The following SMYD3 variants were observed in gnomAD, a reference collection of about 807,000 sequenced individuals.
SMYD3 encodes histone-lysine N-methyltransferase SMYD3.
SMYD3 carries 36 observed loss-of-function variants against 57.7 expected under a neutral mutation model. The ratio of observed to expected loss-of-function variants is 0.62; its 90% CI spans 0.48 to 0.82. SMYD3 has a LOEUF of 0.82. Ranked by LOEUF, SMYD3 falls within the 40% of genes least tolerant of loss-of-function variation. The pLI is 0.00. For synonymous variants in SMYD3, 211 were observed against 195.0 expected, an observed-to-expected ratio of 1.08 and a Z score of -0.68; for missense variants, 515 against 538.8, an observed-to-expected ratio of 0.96 and a Z score of 0.44.
At chr1:246,348,077 T>TATATATATATATATATATATATGTATAC in intron 2 of SMYD3, among the ~76,000 whole-genome samples, 2 of 86,488 alleles carry the variant, frequency 2.3e-5, no homozygotes, top group African/African-American at 8.0e-5. Flanking sequence ...TATATATATA[T>TATATATATATATATATATATATGTATAC]ACACACACAC....
At position 246,367,761 on chromosome 1, in the gene SMYD3, A is replaced by T. The variant is rs142573922; in HGVS notation, c.165-12667T>A. ...AATAATCTTAAAAAAATAAGTGAGG[A>T]ATGTATCAGTCAGAGAAAAGTGATT... On this transcript the variant is annotated intron_variant, in intron 1 of 11. Transcript: ENST00000490107. Among the ~76,000 whole-genome samples the T allele has an allele frequency of 3.3e-5, 5 of 152,262 alleles. No homozygotes were observed. In the East Asian group the frequency reaches 7.7e-4, roughly 24 times the overall value.
intron 3 of SMYD3, among the ~76,000 whole-genome samples, chr1:246,334,062 A>T (rs983841842): frequency 4.9e-5 from 4 of 82,406 alleles, no homozygotes; most frequent in East Asian, 1.6e-3. Context: ...ATTATTAAAT[A>T]AAAAAAAAAC....
chr1:246,457,401 C>T (rs891957293), intron 1 of SMYD3, among the ~76,000 whole-genome samples: 3 of 151,748 alleles, frequency 2.0e-5, no homozygotes, highest in South Asian at 2.1e-4. Flanking sequence ...GCCATGATGG[C>T]AGGCACCTGT....
intron 5 of SMYD3, among the ~76,000 whole-genome samples, chr1:246,200,092 A>G (rs991322676): frequency 1.9e-4 from 29 of 152,258 alleles, no homozygotes; most frequent in Non-Finnish European, 4.0e-4. Context: ...AACAGCATAG[A>G]CGCTGAGGTA....
intron 1 of SMYD3, among the ~76,000 whole-genome samples, chr1:246,452,711 T>C (rs1292533506): frequency 6.6e-6 from 1 of 152,198 alleles, no homozygotes; most frequent in Non-Finnish European, 1.5e-5. Flanking sequence ...TATGACCATC[T>C]AAGTAGATGC....
At chr1:245,869,831 C>G (rs2052080451) in intron 8 of SMYD3, among the ~76,000 whole-genome samples, 1 of 152,212 alleles carries the variant, frequency 6.6e-6, no homozygotes. Flanking sequence ...CCTCGGCTCA[C>G]CACTCCATTT....
At chr1:245,764,829 C>T (rs536544024) in intron 10 of SMYD3, among the ~76,000 whole-genome samples, 12 of 152,122 alleles carry the variant, frequency 7.9e-5, no homozygotes, top group African/African-American at 2.4e-4. Flanking sequence ...ACGGTGTTGT[C>T]GTGGACCAAA....
chr1:245,794,163 A>C (rs190159231), intron 10 of SMYD3, among the ~76,000 whole-genome samples: 1 of 152,352 alleles, frequency 6.6e-6, no homozygotes, highest in African/African-American at 2.4e-5. Context: ...ATTCATTAGT[A>C]AATTCTATTT....
At chr1:246,372,219 A>C (rs1041090681) in intron 1 of SMYD3, among the ~76,000 whole-genome samples, 13 of 152,212 alleles carry the variant, frequency 8.5e-5, no homozygotes, top group African/African-American at 3.1e-4. Context: ...ACGACAGTTA[A>C]CGGGGGTTGG....
intron 5 of SMYD3, among the ~76,000 whole-genome samples, chr1:246,262,742 T>C (rs901437109): frequency 6.6e-5 from 10 of 152,198 alleles, no homozygotes; most frequent in African/African-American, 2.2e-4. Flanking sequence ...TTAATTTACT[T>C]GTCTCTATAA....
At chr1:245,837,039 G>A (rs1335461162) in intron 10 of SMYD3, among the ~76,000 whole-genome samples, 1 of 152,094 alleles carries the variant, frequency 6.6e-6, no homozygotes, top group Non-Finnish European at 1.5e-5. Context: ...CATCGTCACT[G>A]ACCAATCAGA....
intron 8 of SMYD3, among the ~76,000 whole-genome samples, chr1:245,912,252 T>C (rs1305488055): frequency 6.6e-6 from 1 of 152,084 alleles, no homozygotes; most frequent in Non-Finnish European, 1.5e-5. Context: ...TAATCCCATT[T>C]ACACTAGCTA....
intron 10 of SMYD3, among the ~76,000 whole-genome samples, chr1:245,789,292 G>A (rs1417744703): frequency 6.6e-6 from 1 of 152,172 alleles, no homozygotes; most frequent in East Asian, 1.9e-4. Flanking sequence ...CGTATAAATG[G>A]AAAGTTGTTG....
rs112482666 is a variant in SMYD3, at chr1:245,870,848, T to C, written c.814-6962A>G. Among the ~76,000 whole-genome samples, 557 of 152,186 alleles carry C rather than the reference T, an allele frequency of 3.7e-3. 6 individuals carry two copies. Among genetic ancestry groups the C allele is most frequent in the African/African-American group, 0.013 (529 of 41,510 alleles). ...CTGTCAGGTTAAACACACGAATCCA[T>C]CCAGACCCACCTTGCAGCTCGAACA... is the stretch of plus-strand genomic sequence containing the variant. On this transcript the variant is annotated intron_variant, in intron 8 of 11. Coordinates refer to ENST00000490107, the MANE Select transcript of SMYD3 (RefSeq NM_001167740.2).
At chr1:246,063,570 C>T (rs1191915426) in intron 5 of SMYD3, among the ~76,000 whole-genome samples, 1 of 150,528 alleles carries the variant, frequency 6.6e-6, no homozygotes, top group Non-Finnish European at 1.5e-5. Flanking sequence ...TCCTTCCTTC[C>T]CTCCCTCACT....
At chr1:246,392,730 G>A (rs987022914) in intron 1 of SMYD3, among the ~76,000 whole-genome samples, 1 of 150,810 alleles carries the variant, frequency 6.6e-6, no homozygotes, top group Admixed American at 6.6e-5. Context: ...TTATAGGTGT[G>A]AGCCCACCAT....
intron 5 of SMYD3, among the ~76,000 whole-genome samples, chr1:246,092,672 G>A (rs1254634245): frequency 6.6e-6 from 1 of 152,118 alleles, no homozygotes; most frequent in Non-Finnish European, 1.5e-5. Flanking sequence ...GAAAACATTG[G>A]AGAAATGCTT....
chr1:246,068,806 C>T (rs1308331741), intron 5 of SMYD3, among the ~76,000 whole-genome samples: 1 of 152,182 alleles, frequency 6.6e-6, no homozygotes, highest in African/African-American at 2.4e-5. Context: ...GGAGCCAGTT[C>T]CGCAGGCATA....
At chr1:245,823,174 T>C (rs1442669134) in intron 10 of SMYD3, among the ~76,000 whole-genome samples, 2 of 152,188 alleles carry the variant, frequency 1.3e-5, no homozygotes, top group East Asian at 1.9e-4. Context: ...ACAAAAGGAA[T>C]GTGACCAGTA....
Sources: allele counts gnomAD v4.1 joint callset (sites outside exome capture counted in the v4.1 genomes callset), GRCh38; gene constraint gnomAD v4.1.1; transcripts MANE v1.5; gene names NCBI Gene and HGNC (gene_info 2026-07-23, HGNC 2026-07-21).